Variants in PPP6R3 observed in about 807,000 individuals in gnomAD.
The protein encoded by PPP6R3 is protein phosphatase 6 regulatory subunit 3, also known as serine/threonine-protein phosphatase 6 regulatory subunit 3.
In PPP6R3, 38 loss-of-function variants were observed where a neutral mutation model predicts 110.7. That is an observed-to-expected ratio of 0.34 (90% CI 0.26 to 0.45). The LOEUF is 0.45. Among genes scored for constraint, PPP6R3 ranks in the 20% least tolerant of loss-of-function variants. The pLI is 1.00. For synonymous variants in PPP6R3, 369 were observed against 373.5 expected (o/e 0.99, Z 0.14); for missense variants, 870 against 1,062.4 (o/e 0.82, Z 2.52).
intron 23 of PPP6R3, among the ~76,000 whole-genome samples, chr11:68,612,696 A>G (rs1044280043): frequency 1.3e-5 from 2 of 151,852 alleles, no homozygotes; most frequent in African/African-American, 2.4e-5. Flanking sequence ...TGTGGGTCAC[A>G]TAAAAGCTTT....
intron 1 of PPP6R3, among the ~76,000 whole-genome samples, chr11:68,465,350 T>C (rs995369356): frequency 1.3e-5 from 2 of 152,178 alleles, no homozygotes; most frequent in African/African-American, 4.8e-5. Flanking sequence ...TAGACTCTGA[T>C]CCCAGCAGAG....
intron 22 of PPP6R3, among the ~76,000 whole-genome samples, chr11:68,605,129 C>A (rs1035854351): frequency 6.6e-6 from 1 of 152,126 alleles, no homozygotes; most frequent in African/African-American, 2.4e-5. Context: ...TGCTTGAGCC[C>A]AGGAGTTTGA....
intron 23 of PPP6R3, 49 bp downstream of exon 23, chr11:68,610,072 C>G (rs778598237): frequency 2.5e-6 from 4 of 1,598,006 alleles, no homozygotes; most frequent in Non-Finnish European, 3.4e-6. Flanking sequence ...CTGACCTTGC[C>G]TGTTGCTTCC....
chr11:68,486,152 G>A (rs2098945802), intron 1 of PPP6R3, among the ~76,000 whole-genome samples: 1 of 151,900 alleles, frequency 6.6e-6, no homozygotes, highest in South Asian at 2.1e-4. Context: ...TGCTTTTTAT[G>A]TATAATTATT....
In PPP6R3 at chr11:68,590,695, C is replaced by A. The variant is rs769892391; in HGVS notation, c.1766C>A (p.Thr589Asn). The A allele has an allele frequency of 1.9e-6, 3 of 1,593,592 alleles. No homozygotes were observed. The South Asian group carries it at 3.4e-5, about 18-fold the overall frequency. The change falls in exon 17 of 24, where the codon ACT (threonine) becomes AAT (asparagine). Residue 589 changes from threonine to asparagine, a missense_variant. Coordinates refer to ENST00000393800, the MANE Select transcript of PPP6R3 (RefSeq NM_001164161.2). ...SFDRVSDINFTLNTNESGNIA... is the reference protein window; with the variant it reads ...SFDRVSDINFNLNTNESGNIA... ...GATCGAGTATCAGACATCAACTTTA[C>A]TCTCAATACAAATGAAAGTGTAAGT...
At chr11:68,531,306 G>GA (rs1565642412) in intron 2 of PPP6R3, among the ~76,000 whole-genome samples, 35 of 102,800 alleles carry the variant, frequency 3.4e-4, no homozygotes, top group Non-Finnish European at 5.2e-4. Context: ...CTGAGACTGT[G>GA]TTTTATTTAT....
intron 22 of PPP6R3, among the ~76,000 whole-genome samples, chr11:68,608,965 T>C (rs974186586): frequency 6.6e-6 from 1 of 152,206 alleles, no homozygotes; most frequent in Non-Finnish European, 1.5e-5. Flanking sequence ...TTCCTACTTA[T>C]AAATTGCTTG....
intron 1 of PPP6R3, among the ~76,000 whole-genome samples, chr11:68,503,440 A>G (rs1258811024): frequency 1.3e-5 from 2 of 152,174 alleles, no homozygotes; most frequent in African/African-American, 2.4e-5. Flanking sequence ...CCTCTGTGTT[A>G]TCAGTGGGAC....
At chr11:68,550,973 C>T in intron 5 of PPP6R3, 148 bp from the exon 6 acceptor site, 1 of 581,816 alleles carries the variant, frequency 1.7e-6, no homozygotes, top group South Asian at 2.7e-5. Flanking sequence ...CCTTGGGGGA[C>T]TTTTAATTTT....
chr11:68,464,593 T>G (rs2098732812), intron 1 of PPP6R3, among the ~76,000 whole-genome samples: 1 of 152,200 alleles, frequency 6.6e-6, no homozygotes. Context: ...CCTTGGAGAT[T>G]ATTTAGTAGT....
chr11:68,506,414 CAAAAAAAAAAAAAAAAAAA>C (rs67739319), intron 1 of PPP6R3, among the ~76,000 whole-genome samples: 14 of 46,070 alleles, frequency 3.0e-4, no homozygotes, highest in South Asian at 2.0e-3. Flanking sequence ...CCTTTATACT[CAAAAAAAAAAAAAAAAAAA>C]AAAAAAAAAA....
At chr11:68,531,932 A>C in intron 2 of PPP6R3, among the ~76,000 whole-genome samples, 1 of 152,236 alleles carries the variant, frequency 6.6e-6, no homozygotes, top group South Asian at 2.1e-4. Flanking sequence ...ATATTTGATG[A>C]AAACAAAGGG....
intron 2 of PPP6R3, among the ~76,000 whole-genome samples, chr11:68,527,739 C>T (rs148491495): frequency 2.6e-5 from 4 of 152,238 alleles, no homozygotes; most frequent in Non-Finnish European, 4.4e-5. Context: ...TGCACAGTGC[C>T]GTGCATTCAC....
Position 68,590,653 on chromosome 11 carries a change from T to A in PPP6R3, c.1731-7T>A, listed in dbSNP as rs1459781026. 1.3e-6 allele frequency: 2 copies of A among 1,579,504 alleles called. No individual in the cohort carries two copies. Among genetic ancestry groups the A allele is most frequent in the Non-Finnish European group, 1.7e-6 (2 of 1,156,670 alleles). On this transcript the variant is annotated splice_region_variant and splice_polypyrimidine_tract_variant and intron_variant, in intron 16 of 23. Coordinates refer to ENST00000393800, the MANE Select transcript of PPP6R3 (RefSeq NM_001164161.2). Reference sequence around the variant, plus strand: ...GCTTCCTACACTTTTATTTTGTTTTTTTACAGTGTTTCTTTTGATCGAGTA... The same window carrying A: ...GCTTCCTACACTTTTATTTTGTTTTATTACAGTGTTTCTTTTGATCGAGTA...
intron 23 of PPP6R3, among the ~76,000 whole-genome samples, chr11:68,610,839 C>T (rs957385839): frequency 6.6e-6 from 1 of 151,392 alleles, no homozygotes; most frequent in Admixed American, 6.6e-5. Context: ...AAGTTTTAAC[C>T]CCCCACCCCC....
intron 1 of PPP6R3, among the ~76,000 whole-genome samples, chr11:68,494,789 T>A (rs1250093589): frequency 2.0e-5 from 3 of 152,160 alleles, no homozygotes; most frequent in Non-Finnish European, 4.4e-5. Context: ...TCATTGCTCC[T>A]CTATTGTCTG....
chr11:68,575,875 A>T, intron 13 of PPP6R3, 83 bp from the exon 14 acceptor site: 1 of 1,017,148 alleles, frequency 9.8e-7, no homozygotes, highest in Non-Finnish European at 1.5e-6. Flanking sequence ...GAGTAGGCCC[A>T]CTTTTATATT....
intron 22 of PPP6R3, among the ~76,000 whole-genome samples, chr11:68,605,156 G>A (rs772451114): frequency 2.0e-5 from 3 of 152,124 alleles, no homozygotes; most frequent in African/African-American, 4.8e-5. Context: ...CCTAGGCAAC[G>A]TGGCAAAATC....
Position 68,477,741 on chromosome 11 carries a change from A to AAAAT in PPP6R3, c.-158+16915_-158+16916insAATA. ...GACATTGTCTCTTAAAAAAAAAAAA[A>AAAAT]ATATATATATATATATATATATATA... On this transcript the variant is annotated intron_variant, in intron 1 of 23. Coordinates refer to ENST00000393800, the MANE Select transcript of PPP6R3 (RefSeq NM_001164161.2). Among the ~76,000 whole-genome samples, 57 of 57,908 alleles carry AAAAT rather than the reference A, an allele frequency of 9.8e-4. 2 individuals carry two copies. Among genetic ancestry groups the AAAAT allele is most frequent in the African/African-American group, 3.3e-3 (46 of 14,038 alleles). The allele number at this position is 57,908 out of a possible 152,430, so 38.0% of individuals were successfully genotyped here.
Sources: allele counts gnomAD v4.1 joint callset (sites outside exome capture counted in the v4.1 genomes callset), GRCh38; gene constraint gnomAD v4.1.1; transcripts MANE v1.5; gene names NCBI Gene and HGNC (gene_info 2026-07-23, HGNC 2026-07-21).